Variants in RBFOX1 observed in about 807,000 individuals in gnomAD.
RBFOX1 encodes the protein RNA binding protein fox-1 homolog 1.
RBFOX1 carries 8 observed loss-of-function variants against 57.7 expected under a neutral mutation model. That is an observed-to-expected ratio of 0.14 (90% CI 0.08 to 0.25). The LOEUF (loss-of-function observed/expected upper bound fraction) is 0.25. Ranked by LOEUF, RBFOX1 falls within the 10% of genes least tolerant of loss-of-function variation. The probability of loss-of-function intolerance (pLI) is 1.00; values close to 1 mark genes in which losing one functional copy is unlikely to be tolerated. For missense variants in RBFOX1, 611 were observed against 548.5 expected, an observed-to-expected ratio of 1.11 and a Z score of -1.14; for synonymous variants, 326 against 222.4, an observed-to-expected ratio of 1.47 and a Z score of -4.15.
Position 5,426,471 on chromosome 16 carries a change from C to T in RBFOX1, c.220-40745C>T, listed in dbSNP as rs146248708. Among the ~76,000 whole-genome samples the T allele has an allele frequency of 2.2e-4, 34 of 152,336 alleles. No homozygotes were observed. In the East Asian group the frequency reaches 3.5e-3, roughly 16 times the overall value. On this transcript the variant is annotated intron_variant, in intron 1 of 2. Coordinates refer to the RBFOX1 transcript ENST00000585867. ...CCACCGCCAGGGTGTCTGTCAATAA[C>T]GGAGGGTCTGGAAGAGGTGACCCCT...
At chr16:5,418,575 C>T (rs141515252) in intron 1 of RBFOX1, among the ~76,000 whole-genome samples, 1 of 152,016 alleles carries the variant, frequency 6.6e-6, no homozygotes, top group Non-Finnish European at 1.5e-5. Flanking sequence ...TGTCTGTGAG[C>T]TGGAATGTGA....
intron 3 of RBFOX1, among the ~76,000 whole-genome samples, chr16:6,966,757 GTCTGTCTATCTATCTATCTA>G (rs1280337912): frequency 1.0e-4 from 10 of 99,958 alleles, no homozygotes; most frequent in South Asian, 3.2e-4. Context: ...CTATCTGTCT[GTCTGTCTATCTATCTATCTA>G]TCTATCTATC....
chr16:7,017,974 G>C (rs562556425), intron 3 of RBFOX1, among the ~76,000 whole-genome samples: 14 of 152,128 alleles, frequency 9.2e-5, no homozygotes, highest in African/African-American at 3.4e-4. Context: ...CTTTCTCTAC[G>C]GGCAGTTGTG....
intron 4 of RBFOX1, among the ~76,000 whole-genome samples, chr16:7,195,529 C>T (rs1232258924): frequency 1.3e-5 from 2 of 152,132 alleles, no homozygotes; most frequent in Non-Finnish European, 2.9e-5. Flanking sequence ...GATGCTTGCT[C>T]TTGCTCTCTT....
intron 3 of RBFOX1, among the ~76,000 whole-genome samples, chr16:5,847,267 G>A (rs2056780435): frequency 6.6e-6 from 1 of 151,986 alleles, no homozygotes; most frequent in South Asian, 2.1e-4. Flanking sequence ...ACACATAGTT[G>A]GGAACATGCA....
chr16:7,367,911 C>CAT (rs1250297980), intron 4 of RBFOX1, among the ~76,000 whole-genome samples: 2 of 151,552 alleles, frequency 1.3e-5, no homozygotes, highest in Non-Finnish European at 1.5e-5. Context: ...CACACACACA[C>CAT]ACAGACACTA....
chr16:6,633,120 C>A (rs1170494226), intron 2 of RBFOX1, among the ~76,000 whole-genome samples: 1 of 152,214 alleles, frequency 6.6e-6, no homozygotes, highest in Admixed American at 6.5e-5. Context: ...ATTGTGCCCA[C>A]TTCACAGATG....
At chr16:5,632,921 C>A (rs972148356) in intron 3 of RBFOX1, among the ~76,000 whole-genome samples, 1 of 147,838 alleles carries the variant, frequency 6.8e-6, no homozygotes, top group Non-Finnish European at 1.5e-5. Flanking sequence ...GATTCCTGGG[C>A]TTGCAATCTT....
chr16:5,803,369 G>A (rs962956613), intron 3 of RBFOX1, among the ~76,000 whole-genome samples: 1 of 152,140 alleles, frequency 6.6e-6, no homozygotes, highest in Admixed American at 6.6e-5. Flanking sequence ...AGAGATAACA[G>A]GTGCTTTGGA....
intron 4 of RBFOX1, among the ~76,000 whole-genome samples, chr16:5,899,696 G>A (rs147716956): frequency 6.6e-6 from 1 of 152,310 alleles, no homozygotes; most frequent in African/African-American, 2.4e-5. Flanking sequence ...TTTAAAACAT[G>A]GCTGCTGGGG....
intron 3 of RBFOX1, among the ~76,000 whole-genome samples, chr16:5,809,664 G>C (rs1449311966): frequency 6.6e-6 from 1 of 152,172 alleles, no homozygotes; most frequent in East Asian, 1.9e-4. Context: ...TCATTAAAAA[G>C]TCAGGAAACA....
At chr16:7,462,157 C>A (rs1366976268) in intron 4 of RBFOX1, among the ~76,000 whole-genome samples, 3 of 152,162 alleles carry the variant, frequency 2.0e-5, no homozygotes, top group African/African-American at 7.2e-5. Flanking sequence ...TCCTGCCCAG[C>A]CTTCGGAGGG....
intron 4 of RBFOX1, among the ~76,000 whole-genome samples, chr16:6,003,782 A>G (rs915703197): frequency 8.5e-5 from 13 of 152,212 alleles, no homozygotes; most frequent in Non-Finnish European, 1.8e-4. Flanking sequence ...CAAATGCCTC[A>G]GGAACCACAC....
chr16:7,613,983 G>A (rs1481191889), intron 10 of RBFOX1, among the ~76,000 whole-genome samples: 3 of 152,178 alleles, frequency 2.0e-5, no homozygotes. Context: ...TGGGATGAAA[G>A]AGCACAGTGT....
chr16:5,896,443 C>G (rs566144003), intron 4 of RBFOX1, among the ~76,000 whole-genome samples: 1 of 151,622 alleles, frequency 6.6e-6, no homozygotes, highest in Non-Finnish European at 1.5e-5. Flanking sequence ...CCTGCGCTCC[C>G]CCTGTTTTGC....
At chr16:6,761,917 C>T (rs981107635) in intron 3 of RBFOX1, among the ~76,000 whole-genome samples, 1 of 152,124 alleles carries the variant, frequency 6.6e-6, no homozygotes, top group African/African-American at 2.4e-5. Flanking sequence ...TTGTCTTCAC[C>T]TCTAGACTGA....
rs955907989 is a variant in RBFOX1, at chr16:6,355,489, A to G, written c.-64+38432A>G. Among the ~76,000 whole-genome samples, 12 of 152,298 alleles carry G rather than the reference A, an allele frequency of 7.9e-5. No individual in the cohort carries two copies. The South Asian group carries it at 2.5e-3, about 32-fold the overall frequency. On this transcript the variant is annotated intron_variant, in intron 2 of 15. Transcript: ENST00000550418. ...TCATCCTTTTTTATGGCTGCATAGTATTCCATGGTGTATGTGTGCCACATT... is the reference window on the plus strand; with the variant it reads ...TCATCCTTTTTTATGGCTGCATAGTGTTCCATGGTGTATGTGTGCCACATT...
chr16:6,518,668 T>A (rs2096432699), intron 2 of RBFOX1, among the ~76,000 whole-genome samples: 1 of 152,076 alleles, frequency 6.6e-6, no homozygotes, highest in East Asian at 1.9e-4. Flanking sequence ...CCACCCGGAG[T>A]AACTGCCCTT....
At chr16:6,970,893 C>G (rs916762730) in intron 3 of RBFOX1, among the ~76,000 whole-genome samples, 1 of 152,154 alleles carries the variant, frequency 6.6e-6, no homozygotes, top group Non-Finnish European at 1.5e-5. Context: ...CAGTAAGGCT[C>G]AAAGACCTTT....
Sources: gnomAD v4.1 joint callset for allele counts (sites outside exome capture counted in the v4.1 genomes callset) on GRCh38, gnomAD v4.1.1 for gene constraint, MANE v1.5 for transcripts, NCBI Gene and HGNC (gene_info 2026-07-23, HGNC 2026-07-21) for gene names.